Variants in LRP1B observed in about 807,000 individuals in gnomAD.
LRP1B encodes the protein LDL receptor related protein 1B.
A neutral mutation model predicts 556.6 loss-of-function variants in LRP1B; 217 were observed. The observed-to-expected ratio is 0.39, with a 90% CI of 0.35 to 0.44. The LOEUF (loss-of-function observed/expected upper bound fraction) is 0.44. LRP1B is among the 20% of genes least tolerant of loss of function. The pLI, the probability that LRP1B is intolerant of heterozygous loss-of-function variation, is 1.00. For synonymous variants in LRP1B, 2,047 were observed against 1,865.8 expected (o/e 1.10, Z -2.50); for missense variants, 5,053 against 5,620.8 (o/e 0.90, Z 3.23).
intron 17 of LRP1B, among the ~76,000 whole-genome samples, chr2:140,984,406 C>A (rs1696860563): frequency 6.6e-6 from 1 of 151,828 alleles, no homozygotes; most frequent in African/African-American, 2.4e-5. Context: ...TATAAATAGA[C>A]ATTATCACAT....
intron 33 of LRP1B, among the ~76,000 whole-genome samples, chr2:140,774,228 T>G (rs1488749603): frequency 6.6e-6 from 1 of 152,066 alleles, no homozygotes; most frequent in African/African-American, 2.4e-5. Flanking sequence ...AAAAATGGTA[T>G]TTTCATTGCT....
At chr2:141,154,355 CTTA>C (rs200001983) in intron 7 of LRP1B, among the ~76,000 whole-genome samples, 4,748 of 151,888 alleles carry the variant, frequency 0.031, 109 homozygotes, top group Middle Eastern at 0.068. Context: ...GATTAAATCC[CTTA>C]TTCTTATTTT....
At chr2:140,584,188 A>C (rs112151038) in intron 43 of LRP1B, among the ~76,000 whole-genome samples, 5,698 of 152,204 alleles carry the variant, frequency 0.037, 149 homozygotes, top group Middle Eastern at 0.068. Context: ...CAAGAACAAT[A>C]CAAAAAATAA....
At chr2:141,527,579 A>C (rs535717626) in intron 2 of LRP1B, among the ~76,000 whole-genome samples, 23 of 152,124 alleles carry the variant, frequency 1.5e-4, no homozygotes, top group Non-Finnish European at 3.1e-4. Context: ...TTTAGTAATT[A>C]AGCAAACAAA....
At chr2:140,483,899 C>G (rs1453634187) in intron 59 of LRP1B, among the ~76,000 whole-genome samples, 2 of 151,780 alleles carry the variant, frequency 1.3e-5, no homozygotes, top group African/African-American at 2.4e-5. Context: ...CCTCGGCGCC[C>G]AAAGTGCTGG....
intron 1 of LRP1B, among the ~76,000 whole-genome samples, chr2:142,081,716 C>T (rs1288502226): frequency 1.3e-5 from 2 of 152,102 alleles, no homozygotes; most frequent in Non-Finnish European, 2.9e-5. Context: ...TGGGCTCAAG[C>T]GATCCTCCTG....
At chr2:141,245,645 A>ATTAG (rs1351160437) in intron 5 of LRP1B, among the ~76,000 whole-genome samples, 1 of 152,218 alleles carries the variant, frequency 6.6e-6, no homozygotes, top group Non-Finnish European at 1.5e-5. Context: ...CCACAAAATA[A>ATTAG]TTAGCATTAT....
intron 84 of LRP1B, among the ~76,000 whole-genome samples, chr2:140,277,802 C>A (rs1682743721): frequency 6.6e-6 from 1 of 151,830 alleles, no homozygotes; most frequent in Non-Finnish European, 1.5e-5. Context: ...TTGGTGCAAC[C>A]AATTTGGAAA....
intron 18 of LRP1B, among the ~76,000 whole-genome samples, chr2:140,969,448 T>A (rs1216318474): frequency 7.8e-6 from 1 of 128,346 alleles, no homozygotes; most frequent in East Asian, 2.3e-4. Flanking sequence ...GTCTCCTGAA[T>A]ACAGCACACT....
At chr2:141,867,126 T>C (rs1442845619) in intron 1 of LRP1B, among the ~76,000 whole-genome samples, 4 of 152,124 alleles carry the variant, frequency 2.6e-5, no homozygotes, top group Admixed American at 2.6e-4. Context: ...ATAAAGAATG[T>C]TTCAGAATTA....
At chr2:140,304,837 G>A (rs1276031354) in intron 83 of LRP1B, among the ~76,000 whole-genome samples, 1 of 152,140 alleles carries the variant, frequency 6.6e-6, no homozygotes, top group Non-Finnish European at 1.5e-5. Flanking sequence ...TTTGTATAAG[G>A]TGTAAAGAAG....
rs563048991 is a variant in LRP1B at position 141,822,677 on chromosome 2, CCTT to C, written c.83-12279_83-12277del. On this transcript the variant is annotated intron_variant, in intron 1 of 90. Coordinates refer to ENST00000389484, the MANE Select transcript of LRP1B (RefSeq NM_018557.3). ...CAAAGACTACAATTGTTTTTTATCT[CCTT>C]ATTATTTTAATCTTAAAATATATTT... is the stretch of plus-strand genomic sequence containing the variant. 7.2e-5 allele frequency among the ~76,000 whole-genome samples: 11 copies of C among 152,166 alleles called. No homozygotes were observed. In the South Asian group the frequency reaches 1.2e-3, roughly 17 times the overall value.
chr2:141,017,730 C>T (rs1000807525), intron 12 of LRP1B, among the ~76,000 whole-genome samples: 2 of 151,850 alleles, frequency 1.3e-5, no homozygotes, highest in African/African-American at 4.8e-5. Flanking sequence ...CACCATGGCT[C>T]ATGCCTGTAA....
At chr2:141,354,268 A>G (rs1194542592) in intron 3 of LRP1B, among the ~76,000 whole-genome samples, 2 of 152,076 alleles carry the variant, frequency 1.3e-5, no homozygotes, top group East Asian at 3.9e-4. Context: ...GAGTATGTCC[A>G]GGAGACCTTC....
At chr2:140,893,116 G>A (rs1693848540) in intron 23 of LRP1B, among the ~76,000 whole-genome samples, 1 of 152,050 alleles carries the variant, frequency 6.6e-6, no homozygotes, top group African/African-American at 2.4e-5. Context: ...TGCTGTGCCA[G>A]GAAGTGAGGA....
At chr2:141,421,297 G>A (rs1467675755) in intron 3 of LRP1B, among the ~76,000 whole-genome samples, 10 of 152,088 alleles carry the variant, frequency 6.6e-5, no homozygotes, top group Admixed American at 5.9e-4. Context: ...GGGAGCCCGA[G>A]GTGGGCGGAT....
rs140748696 is a variant in LRP1B, at chr2:140,830,015, G to A, written c.5209+9976C>T. 3.0e-4 allele frequency among the ~76,000 whole-genome samples: 45 copies of A among 151,810 alleles called. 1 individual carries two copies. The highest frequency in any genetic ancestry group is 8.2e-4 in the African/African-American group (34 of 41,470). On this transcript the variant is annotated intron_variant, in intron 31 of 90. Transcript: ENST00000389484. ...ACAAATTGGAAAACCTACAATAAAC[G>A]GATAAATTTCTGAATACATACAACC...
intron 35 of LRP1B, among the ~76,000 whole-genome samples, chr2:140,739,033 G>A (rs1398549612): frequency 6.6e-6 from 1 of 152,162 alleles, no homozygotes; most frequent in Non-Finnish European, 1.5e-5. Flanking sequence ...TGGAGCATGT[G>A]CAGCATGGTC....
intron 2 of LRP1B, among the ~76,000 whole-genome samples, chr2:141,701,157 G>A (rs913005058): frequency 3.3e-5 from 5 of 151,832 alleles, no homozygotes; most frequent in African/African-American, 1.2e-4. Context: ...TCACTAAAAT[G>A]GATCTGAACA....
Sources: gnomAD v4.1 joint callset for allele counts (sites outside exome capture counted in the v4.1 genomes callset) on GRCh38, gnomAD v4.1.1 for gene constraint, MANE v1.5 for transcripts, NCBI Gene and HGNC (gene_info 2026-07-23, HGNC 2026-07-21) for gene names.